The following ZNF835 variants were observed in gnomAD, a reference collection of about 807,000 sequenced individuals.
The protein encoded by ZNF835 is zinc finger protein 835.
For missense variants in ZNF835, 783 were observed against 758.4 expected (o/e 1.03, Z -0.38); for synonymous variants, 323 against 324.7 (o/e 0.99, Z 0.06).
At position 56,664,465 on chromosome 19, in the gene ZNF835, G is replaced by T. The variant is rs750206721; in HGVS notation, c.734C>A (p.Thr245Asn). The change falls in exon 2 of 2, where the codon ACC becomes AAC. Residue 245 changes from threonine to asparagine, a missense_variant. Physicochemically the swap from Thr to Asn is moderately conservative, Grantham distance 65. Transcript: ENST00000537055. The stretch of plus-strand genomic sequence containing the variant: ...GGAGCACTCGTAGGGCTTCTCACCG[G>T]TGTGGATGCGCTGGTGCTCTATCAG... ...SSLIEHQRIH[T>N]GEKPYECSAC... 2 of 1,612,856 alleles carry T rather than the reference G, an allele frequency of 1.2e-6. No homozygotes were observed. Among genetic ancestry groups the T allele is most frequent in the Non-Finnish European group, 8.5e-7 (1 of 1,179,388 alleles).
rs1299633026 is a variant in ZNF835, at chr19:56,663,837, G to A, written c.1362C>T (p.Ala454=). 1.9e-6 allele frequency: 3 copies of A among 1,613,744 alleles called. No individual in the cohort carries two copies. The East Asian group carries it at 6.7e-5, about 36-fold the overall frequency. The change falls in exon 2 of 2, where the codon GCC becomes GCT. Residue 454 remains alanine, a synonymous_variant. Transcript: ENST00000537055. ...RPYTCPECGK[A]FSNRSYLIQH... ...GGATCAGGTAGGAGCGGTTGCTGAA[G>A]GCCTTGCCGCACTCGGGGCAGGTGT...
chr19:56,670,566 G>A (rs534238986), intron 1 of ZNF835, among the ~76,000 whole-genome samples: 1 of 152,178 alleles, frequency 6.6e-6, no homozygotes, highest in Non-Finnish European at 1.5e-5. Context: ...AGCTCCCTGT[G>A]TGAAGAGGTG....
At position 56,671,235 on chromosome 19, in the gene ZNF835, A is replaced by C. The variant is rs986931827; in HGVS notation, c.-48+341T>G. 5.3e-5 allele frequency among the ~76,000 whole-genome samples: 8 copies of C among 151,850 alleles called. 1 individual carries two copies. The highest frequency in any genetic ancestry group is 1.0e-4 in the Non-Finnish European group (7 of 67,898). ...CACCTGCTGGTACCGTCGAGTGAGC[A>C]GGTGCAGACGCTGTGACACTCAGGG... On this transcript the variant is annotated intron_variant, in intron 1 of 1. Transcript: ENST00000537055.
chr19:56,664,152 C>G lies in ZNF835; in HGVS notation c.1047G>C (p.Leu349=). 6.2e-7 allele frequency: 1 copy of G among 1,611,382 alleles called. No individual in the cohort carries two copies. Among genetic ancestry groups the G allele is most frequent in the South Asian group, 1.1e-5 (1 of 90,986 alleles). Residue 349 remains leucine, a synonymous_variant, in exon 2 of 2, where the codon CTG becomes CTC. Coordinates refer to ENST00000537055, the MANE Select transcript of ZNF835 (RefSeq NM_001005850.3). ...CAKAFTQVSH[L]TQHQRTHTGE... ...CGGTGTGCGTGCGCTGGTGCTGCGTCAGGTGCGACACCTGGGTGAAGGCCT... is the reference window on the plus strand; with the variant it reads ...CGGTGTGCGTGCGCTGGTGCTGCGTGAGGTGCGACACCTGGGTGAAGGCCT...
Position 56,664,433 on chromosome 19 carries a change from C to T in ZNF835, c.766G>A (p.Ala256Thr), listed in dbSNP as rs371751139. The T allele has an allele frequency of 6.2e-7, 1 of 1,612,672 alleles. No individual in the cohort carries two copies. The highest frequency in any genetic ancestry group is 1.1e-5 in the South Asian group (1 of 91,046). ...GCTGAGGAGAAGCGGAAGGCCTTGG[C>T]GCACGCGGAGCACTCGTAGGGCTTC... ...GEKPYECSAC[A>T]KAFRFSSALI... is the part of the protein sequence containing the mutation. The change falls in exon 2 of 2, where the codon GCC becomes ACC. Residue 256 changes from alanine to threonine, a missense_variant. Ala to Thr is a moderately conservative substitution (Grantham distance 58, BLOSUM62 0). Transcript: ENST00000537055.
rs1286697873 is a variant in ZNF835 at position 56,662,522 on chromosome 19, C to A, written c.*1063G>T. The A allele has an allele frequency of 6.6e-6, 1 of 152,204 alleles. No homozygotes were observed. The highest frequency in any genetic ancestry group is 2.4e-5 in the African/African-American group (1 of 41,440). The allele number at this position is 152,204 out of a possible 1,614,324, so 9.4% of individuals were successfully genotyped here. A position where few individuals can be genotyped will look rare whatever the true frequency, so the allele number is the denominator to read the frequency against. ...CTAAAAATCTTTTGTAGAGGAGAAG[C>A]ACTCCCTTCTTCTAGAATAACTTTC... On this transcript the variant is annotated 3_prime_UTR_variant, in exon 2 of 2. Coordinates refer to ENST00000537055, the MANE Select transcript of ZNF835 (RefSeq NM_001005850.3).
rs745453243 is a variant in ZNF835 at position 56,665,086 on chromosome 19, T to C, written c.113A>G (p.Glu38Gly). 6.2e-7 allele frequency: 1 copy of C among 1,614,030 alleles called. No individual in the cohort carries two copies. ...AGGGTCTCCCTTGCAGGCCACGGCC[T>C]CTGGCTCTGGACAGCTTTCCTGGTT... Reference protein sequence around the residue: ...QENQESCPEPEAVACKGDPAG... With the variant: ...QENQESCPEPGAVACKGDPAG... Residue 38 changes from glutamate (E) to glycine (G), a missense_variant, in exon 2 of 2, where the codon GAG becomes GGG. By Grantham distance (98) the Glu-to-Gly change is moderately conservative. Transcript: ENST00000537055.
chr19:56,663,469 T>A lies in ZNF835; in HGVS notation c.*116A>T. ...TTAGCCCTGTGTCTTCCCCACTGTG[T>A]GCCCTCAGGCAAGTTAACAAGCTTC... On this transcript the variant is annotated 3_prime_UTR_variant, in exon 2 of 2. Coordinates refer to ENST00000537055, the MANE Select transcript of ZNF835 (RefSeq NM_001005850.3). 1 of 1,412,880 alleles carries A rather than the reference T, an allele frequency of 7.1e-7. No individual in the cohort carries two copies. Among genetic ancestry groups the A allele is most frequent in the Non-Finnish European group, 9.7e-7 (1 of 1,032,596 alleles). The allele number at this position is 1,412,880 out of a possible 1,614,324, so 87.5% of individuals were successfully genotyped here.
At position 56,664,404 on chromosome 19, in the gene ZNF835, G is replaced by A. The variant is rs1416975727; in HGVS notation, c.795C>T (p.Leu265=). Residue 265 remains leucine, a synonymous_variant, in exon 2 of 2, where the codon CTC becomes CTT. Coordinates refer to ENST00000537055, the MANE Select transcript of ZNF835 (RefSeq NM_001005850.3). ...CCGTGTGGATGCGCTGGTGGCGGAT[G>A]AGCGCTGAGGAGAAGCGGAAGGCCT... The part of the protein sequence containing the change: ...CAKAFRFSSA[L]IRHQRIHTEE... 6.2e-7 allele frequency: 1 copy of A among 1,609,382 alleles called. No individual in the cohort carries two copies. The highest frequency in any genetic ancestry group is 1.4e-5 in the African/African-American group (1 of 73,550).
rs1159399435 is a variant in ZNF835 at position 56,664,562 on chromosome 19, G to A, written c.637C>T (p.Arg213Trp). ...GGCCGCTCGCCCGTGTGCACGCGCC[G>A]GTGCTGGGTCAGGTGCGTGACGCGC... ...FTRVTHLTQH[R>W]RVHTGERPYA... Residue 213 changes from arginine to tryptophan, a missense_variant, in exon 2 of 2, where the codon CGG becomes TGG. Arg to Trp is a moderately radical substitution (Grantham distance 101, BLOSUM62 -3). Transcript: ENST00000537055. 1.2e-6 allele frequency: 2 copies of A among 1,607,276 alleles called. No individual in the cohort carries two copies.
rs1568524550 is a variant in ZNF835 at position 56,664,933 on chromosome 19, C to A, written c.266G>T (p.Ser89Ile). Residue 89 changes from serine (S) to isoleucine (I), a missense_variant, in exon 2 of 2, where the codon AGC becomes ATC. Ser to Ile is a moderately radical substitution (Grantham distance 142). Coordinates refer to ENST00000537055, the MANE Select transcript of ZNF835 (RefSeq NM_001005850.3). ...GCTGTCAGGATGCCTCTCCTTCGGG[C>A]TCTCCCCAGGCGCGCTGCACCTCCG... ...SSRRCSAPGE[S>I]PKERHPDSRQ... 1 of 1,613,970 alleles carries A rather than the reference C, an allele frequency of 6.2e-7. No individual in the cohort carries two copies. Among genetic ancestry groups the A allele is most frequent in the Non-Finnish European group, 8.5e-7 (1 of 1,179,890 alleles).
In ZNF835 at chr19:56,664,504, C is replaced by G. The variant is rs777622970; in HGVS notation, c.695G>C (p.Arg232Pro). The G allele has an allele frequency of 1.2e-6, 2 of 1,608,368 alleles. No homozygotes were observed. The highest frequency in any genetic ancestry group is 1.7e-6 in the Non-Finnish European group (2 of 1,178,112). Reference sequence around the variant, plus strand: ...GTGCTCTATCAGGGACGAGCGGTTGCGGAACGCCTTGGCGCACTGGGCGCA... The same window carrying G: ...GTGCTCTATCAGGGACGAGCGGTTGGGGAACGCCTTGGCGCACTGGGCGCA... ...YACAQCAKAF[R>P]NRSSLIEHQR... Residue 232 changes from arginine (R) to proline (P), a missense_variant, in exon 2 of 2, where the codon CGC (arginine) becomes CCC (proline). Arg to Pro is a moderately radical substitution (Grantham distance 103). Coordinates refer to ENST00000537055, the MANE Select transcript of ZNF835 (RefSeq NM_001005850.3).
At chr19:56,670,127 A>C (rs998037883) in intron 1 of ZNF835, among the ~76,000 whole-genome samples, 2 of 149,656 alleles carry the variant, frequency 1.3e-5, no homozygotes, top group African/African-American at 5.0e-5. Flanking sequence ...CCATTAGCAT[A>C]AATGTACTTG....
At chr19:56,670,698 T>A (rs539981114) in intron 1 of ZNF835, among the ~76,000 whole-genome samples, 1 of 152,286 alleles carries the variant, frequency 6.6e-6, no homozygotes, top group South Asian at 2.1e-4. Context: ...AGCTCCAGCA[T>A]AGCCAAAGCC....
intron 1 of ZNF835, among the ~76,000 whole-genome samples, chr19:56,670,393 C>T (rs1342214409): frequency 6.6e-6 from 1 of 152,140 alleles, no homozygotes; most frequent in Non-Finnish European, 1.5e-5. Flanking sequence ...CCCAGACACA[C>T]ACAGACATGC....
rs2045233427 is a variant in ZNF835, at chr19:56,665,039, G to A, written c.160C>T (p.Arg54Cys). 6.2e-7 allele frequency: 1 copy of A among 1,614,026 alleles called. No individual in the cohort carries two copies. Among genetic ancestry groups the A allele is most frequent in the South Asian group, 1.1e-5 (1 of 91,086 alleles). The change falls in exon 2 of 2, where the codon CGC becomes TGC. Residue 54 changes from arginine (R) to cysteine (C), a missense_variant. Coordinates refer to ENST00000537055, the MANE Select transcript of ZNF835 (RefSeq NM_001005850.3). ...CTTGGGATTCGGCTGAATTCATCGC[G>A]TTCCTGCATGCTGTCCCCAGCAGGG... ...GDPAGDSMQE[R>C]DEFSRIPRTI...
At chr19:56,667,876 A>G (rs2045259052) in intron 1 of ZNF835, among the ~76,000 whole-genome samples, 1 of 152,202 alleles carries the variant, frequency 6.6e-6, no homozygotes, top group Non-Finnish European at 1.5e-5. Context: ...ATGAACTAGG[A>G]AGCAGCCCTC....
chr19:56,663,778 T>C lies in ZNF835; in HGVS notation c.1421A>G (p.Tyr474Cys), dbSNP rs909894924. The change falls in exon 2 of 2, where the codon TAC becomes TGC. Residue 474 changes from tyrosine (Y) to cysteine (C), a missense_variant. By Grantham distance (194) the Tyr-to-Cys change is radical. Coordinates refer to ENST00000537055, the MANE Select transcript of ZNF835 (RefSeq NM_001005850.3). ...HHIVHTGEKP[Y>C]ECSGCGKAFS... is the part of the protein sequence containing the mutation. ...GGCCTTCCCGCAGCCGCTGCACTCG[T>C]AGGGCTTCTCCCCGGTGTGCACGAT... The C allele has an allele frequency of 3.1e-6, 5 of 1,613,756 alleles. No individual in the cohort carries two copies. In the African/African-American group the frequency reaches 6.7e-5, roughly 22 times the overall value.
chr19:56,670,855 C>T (rs1022295646), intron 1 of ZNF835, among the ~76,000 whole-genome samples: 1 of 152,222 alleles, frequency 6.6e-6, no homozygotes, highest in African/African-American at 2.4e-5. Flanking sequence ...CAGACATGCA[C>T]ACGTGGGGTC....
Sources: gnomAD v4.1 joint callset for allele counts (sites outside exome capture counted in the v4.1 genomes callset) on GRCh38, gnomAD v4.1.1 for gene constraint, MANE v1.5 for transcripts, NCBI Gene and HGNC (gene_info 2026-07-23, HGNC 2026-07-21) for gene names.